The following PARD3B variants were observed in gnomAD, a reference collection of about 807,000 sequenced individuals.
The protein encoded by PARD3B is par-3 family cell polarity regulator beta, also known as partitioning defective 3 homolog B.
PARD3B carries 103 observed loss-of-function variants against 130.2 expected under a neutral mutation model. That is an observed-to-expected ratio of 0.79 (90% CI 0.67 to 0.93). The LOEUF is 0.93. PARD3B is among the 40% of genes least tolerant of loss of function. The pLI is 0.00. For synonymous variants in PARD3B, 583 were observed against 553.2 expected, an observed-to-expected ratio of 1.05 and a Z score of -0.76; for missense variants, 1,609 against 1,499.2, an observed-to-expected ratio of 1.07 and a Z score of -1.21.
chr2:205,611,707 C>T (rs1219831255), intron 22 of PARD3B, among the ~76,000 whole-genome samples: 1 of 152,166 alleles, frequency 6.6e-6, no homozygotes, highest in African/African-American at 2.4e-5. Context: ...ATTTTCATGA[C>T]AGCCCCCTCT....
intron 2 of PARD3B, among the ~76,000 whole-genome samples, chr2:204,709,393 G>C (rs2038330333): frequency 6.6e-6 from 1 of 152,184 alleles, no homozygotes; most frequent in South Asian, 2.1e-4. Flanking sequence ...TGAGTTTCAG[G>C]TCAATGTATG....
intron 2 of PARD3B, among the ~76,000 whole-genome samples, chr2:204,917,356 A>T (rs1022940209): frequency 6.6e-6 from 1 of 152,184 alleles, no homozygotes; most frequent in African/African-American, 2.4e-5. Flanking sequence ...GAAACGTTAG[A>T]TGTAATTGAG....
intron 20 of PARD3B, among the ~76,000 whole-genome samples, chr2:205,482,020 G>C (rs766312120): frequency 3.3e-5 from 5 of 152,210 alleles, no homozygotes; most frequent in Non-Finnish European, 7.3e-5. Flanking sequence ...CAGCTAGAGA[G>C]GTGTGTCCTC....
chr2:204,919,504 A>G lies in PARD3B; in HGVS notation c.223-45648A>G, dbSNP rs374429238. On this transcript the variant is annotated intron_variant, in intron 2 of 22. Transcript: ENST00000406610. ...CTTCATGTAAGTGAAATTATATGGT[A>G]TGTATTCATTTGTATAAGGCTTCTT... Among the ~76,000 whole-genome samples the G allele has an allele frequency of 7.2e-5, 11 of 152,326 alleles. No homozygotes were observed. The East Asian group carries it at 1.5e-3, about 21-fold the overall frequency.
chr2:204,756,974 C>G (rs980038900), intron 2 of PARD3B, among the ~76,000 whole-genome samples: 1 of 152,038 alleles, frequency 6.6e-6, no homozygotes, highest in Non-Finnish European at 1.5e-5. Context: ...CCATGTATAT[C>G]CAATGTTTAG....
At chr2:205,081,489 G>A (rs1472279137) in intron 4 of PARD3B, among the ~76,000 whole-genome samples, 1 of 151,874 alleles carries the variant, frequency 6.6e-6, no homozygotes, top group Non-Finnish European at 1.5e-5. Context: ...CTCAATATTT[G>A]TAGAACATGT....
rs762863986 is a variant in PARD3B at position 205,216,376 on chromosome 2, T to G, written c.2140+23056T>G. ...CATCTAGTGACGCATGGCTTATAAA[T>G]CAAAGAAGAAAGTTTGGCAAAATGT... On this transcript the variant is annotated intron_variant, in intron 15 of 22. Transcript: ENST00000406610. Among the ~76,000 whole-genome samples the G allele has an allele frequency of 8.7e-4, 133 of 152,148 alleles. 7 individuals are homozygous for G. The highest frequency in any genetic ancestry group is 1.6e-4 in the Non-Finnish European group (11 of 68,020).
At chr2:205,113,392 GGGTGTGTGT>G in intron 5 of PARD3B, 90 bp from the exon 6 acceptor site, 2 of 546,682 alleles carry the variant, frequency 3.7e-6, no homozygotes, top group East Asian at 3.2e-5. Flanking sequence ...TCCTGAGCAG[GGGTGTGTGT>G]GTGTGTGTGT....
At chr2:204,777,636 G>T (rs1355689093) in intron 2 of PARD3B, among the ~76,000 whole-genome samples, 1 of 152,068 alleles carries the variant, frequency 6.6e-6, no homozygotes, top group Admixed American at 6.5e-5. Flanking sequence ...AGGAATTGTG[G>T]TGCATGCTTG....
chr2:205,458,286 G>A lies in PARD3B; in HGVS notation c.3044+17614G>A, dbSNP rs2048339035. The stretch of plus-strand genomic sequence containing the variant: ...CTCTTCCTCTCCTCTTCTTCCTCTT[G>A]TCTTCCTCCTCGTCTTCCATTTTCT... On this transcript the variant is annotated intron_variant, in intron 20 of 22. Coordinates refer to ENST00000406610, the MANE Select transcript of PARD3B (RefSeq NM_001302769.2). The surrounding 1 kb of genome is among the most constrained non-coding windows in gnomAD (Gnocchi z 4.8). Among the ~76,000 whole-genome samples the A allele has an allele frequency of 6.6e-6, 1 of 151,702 alleles. No individual in the cohort carries two copies. Among genetic ancestry groups the A allele is most frequent in the Non-Finnish European group, 1.5e-5 (1 of 67,928 alleles).
rs1334977203 is a variant in PARD3B, at chr2:205,142,064, G to T, written c.1434+16327G>T. Among the ~76,000 whole-genome samples, 6 of 152,132 alleles carry T rather than the reference G, an allele frequency of 3.9e-5. No individual in the cohort carries two copies. Among genetic ancestry groups the T allele is most frequent in the African/African-American group, 1.4e-4 (6 of 41,440 alleles). On this transcript the variant is annotated intron_variant, in intron 10 of 22. Transcript: ENST00000406610. This position sits in a 1 kb window ranked among gnomAD's most constrained non-coding sequence, Gnocchi z 4.3. ...CTCTGTTGCCCTTAAAGTCCTTAAA[G>T]ATGTACATAATAATAAATAACCATG...
At chr2:205,331,810 T>C (rs1178789096) in intron 18 of PARD3B, among the ~76,000 whole-genome samples, 16 of 51,668 alleles carry the variant, frequency 3.1e-4, no homozygotes, top group Non-Finnish European at 5.8e-4. Flanking sequence ...AAAAAAGAAG[T>C]AGAGCATTTA....
intron 2 of PARD3B, among the ~76,000 whole-genome samples, chr2:204,874,838 T>C (rs1009753286): frequency 1.3e-5 from 2 of 152,216 alleles, no homozygotes; most frequent in African/African-American, 4.8e-5. Flanking sequence ...ATAGTTGCTA[T>C]TTTGTGGGAC....
intron 2 of PARD3B, among the ~76,000 whole-genome samples, chr2:204,783,653 C>T (rs762272955): frequency 3.9e-5 from 6 of 151,950 alleles, no homozygotes; most frequent in Non-Finnish European, 8.8e-5. Context: ...TAATATGTGC[C>T]GAACACTCAT....
intron 20 of PARD3B, among the ~76,000 whole-genome samples, chr2:205,493,333 C>G (rs2049793762): frequency 2.0e-5 from 3 of 152,050 alleles, no homozygotes; most frequent in South Asian, 2.1e-4. Flanking sequence ...AGAACACTCC[C>G]CCTGTGGAAG....
chr2:204,863,555 G>C (rs932594754), intron 2 of PARD3B, among the ~76,000 whole-genome samples: 1 of 152,180 alleles, frequency 6.6e-6, no homozygotes, highest in Admixed American at 6.5e-5. Context: ...TTAGAACTTC[G>C]GTTGCCTGGC....
At chr2:204,782,578 C>T (rs981283568) in intron 2 of PARD3B, among the ~76,000 whole-genome samples, 7 of 150,780 alleles carry the variant, frequency 4.6e-5, no homozygotes, top group Non-Finnish European at 1.0e-4. Flanking sequence ...TAGCTATATA[C>T]GTAGATACAT....
chr2:204,638,172 G>A (rs1054771930), intron 1 of PARD3B, among the ~76,000 whole-genome samples: 1 of 152,092 alleles, frequency 6.6e-6, no homozygotes, highest in Non-Finnish European at 1.5e-5. Flanking sequence ...TAAAGAATGG[G>A]TTATGACTTG....
At chr2:205,075,569 A>G (rs1700991798) in intron 4 of PARD3B, among the ~76,000 whole-genome samples, 1 of 151,338 alleles carries the variant, frequency 6.6e-6, no homozygotes, top group Non-Finnish European at 1.5e-5. Context: ...AAGAAATTTT[A>G]CCTCTTTTTT....
Sources: allele counts gnomAD v4.1 joint callset (sites outside exome capture counted in the v4.1 genomes callset), GRCh38; gene constraint gnomAD v4.1.1; non-coding constraint Gnocchi (gnomAD v3.1); transcripts MANE v1.5; gene names NCBI Gene and HGNC (gene_info 2026-07-23, HGNC 2026-07-21).